Variants in DGLUCY observed in about 807,000 individuals in gnomAD.
DGLUCY encodes D-glutamate cyclase, mitochondrial.
DGLUCY carries 58 observed loss-of-function variants against 58.5 expected under a neutral mutation model. The ratio of observed to expected loss-of-function variants is 0.99; its 90% CI spans 0.80 to 1.23. The LOEUF is 1.23. Among genes scored for constraint, DGLUCY ranks in the 50% most tolerant of loss-of-function variants. The pLI is 0.00. For missense variants in DGLUCY, 779 were observed against 784.7 expected (o/e 0.99, Z 0.09); for synonymous variants, 325 against 314.1 (o/e 1.03, Z -0.37).
chr14:91,166,454 C>T (rs1275369451), intron 3 of DGLUCY, among the ~76,000 whole-genome samples: 1 of 152,098 alleles, frequency 6.6e-6, no homozygotes, highest in Non-Finnish European at 1.5e-5. Flanking sequence ...CACTTGAGCC[C>T]AGGTGTTTGA....
intron 8 of DGLUCY, among the ~76,000 whole-genome samples, chr14:91,181,838 GA>G (rs1485581720): frequency 6.7e-6 from 1 of 149,534 alleles, no homozygotes; most frequent in African/African-American, 2.4e-5. Flanking sequence ...GCAGAGACAG[GA>G]TTTCACCATG....
intron 10 of DGLUCY, among the ~76,000 whole-genome samples, 155 bp from the exon 11 acceptor site, chr14:91,199,602 C>T (rs1448836991): frequency 1.3e-5 from 2 of 152,090 alleles, no homozygotes; most frequent in Non-Finnish European, 2.9e-5. Flanking sequence ...CAGCACAGGT[C>T]CTGGCCCAGA....
chr14:91,209,954 G>T (rs1885407906), intron 12 of DGLUCY, among the ~76,000 whole-genome samples: 1 of 152,086 alleles, frequency 6.6e-6, no homozygotes. Flanking sequence ...TAAAGAGGGG[G>T]ATTACATAAT....
At chr14:91,114,463 G>C (rs909109210) in intron 1 of DGLUCY, 180 bp downstream of exon 1, 1 of 152,370 alleles carries the variant, frequency 6.6e-6, no homozygotes, top group Non-Finnish European at 1.5e-5. Context: ...AGGCCCAGCT[G>C]TTCCTCTCCT....
At chr14:91,157,215 GTGGA>G (rs1285466055) in intron 1 of DGLUCY, among the ~76,000 whole-genome samples, 3 of 106,382 alleles carry the variant, frequency 2.8e-5, no homozygotes, top group East Asian at 2.5e-4. Context: ...GAATGAATGG[GTGGA>G]TGGATGGATG....
chr14:91,060,380 C>A, exon 1 of DGLUCY: 1 of 1,508,192 alleles, frequency 6.6e-7, no homozygotes, highest in Non-Finnish European at 8.9e-7. Context: ...CCTCCGTCGC[C>A]GCCGTCCGCG....
intron 5 of DGLUCY, 99 bp downstream of exon 5, chr14:91,170,300 G>T (rs1244329155): frequency 2.3e-6 from 3 of 1,305,046 alleles, no homozygotes; most frequent in African/African-American, 1.5e-5. Flanking sequence ...ACGGGAGGTG[G>T]AAAACCTAAG....
At chr14:91,216,727 C>A (rs1886579386) in intron 13 of DGLUCY, among the ~76,000 whole-genome samples, 1 of 152,038 alleles carries the variant, frequency 6.6e-6, no homozygotes, top group Non-Finnish European at 1.5e-5. Flanking sequence ...TCCCTGAGGA[C>A]TCTCCCTGAG....
chr14:91,211,966 A>G (rs1347670271), intron 12 of DGLUCY, among the ~76,000 whole-genome samples: 1 of 151,928 alleles, frequency 6.6e-6, no homozygotes. Flanking sequence ...ATGCCTGGCT[A>G]ATTTTTGTAT....
intron 8 of DGLUCY, among the ~76,000 whole-genome samples, chr14:91,186,431 G>C (rs574352395): frequency 1.3e-5 from 2 of 152,104 alleles, no homozygotes; most frequent in South Asian, 4.2e-4. Flanking sequence ...ATTTTTATTA[G>C]AGACGGGGTT....
intron 1 of DGLUCY, among the ~76,000 whole-genome samples, chr14:91,143,256 C>T (rs566779735): frequency 1.3e-5 from 2 of 151,642 alleles, no homozygotes; most frequent in African/African-American, 4.8e-5. Context: ...CCACCACGCC[C>T]GGCTAATTTT....
chr14:91,182,875 A>AG (rs1323936654), intron 8 of DGLUCY, among the ~76,000 whole-genome samples: 5 of 148,574 alleles, frequency 3.4e-5, no homozygotes, highest in African/African-American at 1.3e-4. Flanking sequence ...GGGATCCCCT[A>AG]GGGGACCTGC....
exon 1 of DGLUCY, chr14:91,060,334 G>C (rs766260545): frequency 2.9e-6 from 4 of 1,392,144 alleles, no homozygotes; most frequent in South Asian, 3.4e-5. Flanking sequence ...TCGCTCACCA[G>C]TCCGCAGCTC....
intron 8 of DGLUCY, chr14:91,185,321 C>T (rs2049446961): frequency 8.9e-6 from 1 of 112,714 alleles, no homozygotes; most frequent in South Asian, 2.9e-4. Flanking sequence ...CTTGTTCTGT[C>T]CTCCAGGCTG....
chr14:91,201,009 A>G (rs2050519477), intron 11 of DGLUCY, among the ~76,000 whole-genome samples: 2 of 152,032 alleles, frequency 1.3e-5, no homozygotes, highest in Admixed American at 6.6e-5. Context: ...AGGATATTAC[A>G]AAGTACCTTC....
intron 1 of DGLUCY, among the ~76,000 whole-genome samples, chr14:91,072,506 TG>T (rs917442755): frequency 6.6e-6 from 1 of 152,150 alleles, no homozygotes; most frequent in African/African-American, 2.4e-5. Flanking sequence ...TTCTGTTTTC[TG>T]TAAAATTAAA....
intron 1 of DGLUCY, among the ~76,000 whole-genome samples, chr14:91,099,110 T>G (rs947125880): frequency 6.6e-6 from 1 of 152,196 alleles, no homozygotes; most frequent in South Asian, 2.1e-4. Flanking sequence ...GGCTGCTTGA[T>G]GCAGGAGGTA....
chr14:91,224,452 A>C (rs7148268), intron 13 of DGLUCY, among the ~76,000 whole-genome samples: 95,317 of 152,032 alleles, frequency 0.63, 30,538 homozygotes, highest in Admixed American at 0.76. Context: ...AGCAGCCCAA[A>C]CTATTCCCGT....
intron 13 of DGLUCY, among the ~76,000 whole-genome samples, chr14:91,222,856 A>G (rs1043875547): frequency 6.6e-6 from 1 of 152,228 alleles, no homozygotes; most frequent in Non-Finnish European, 1.5e-5. Context: ...TGGGAAGTCC[A>G]ACATCAAGGT....
Sources: allele counts gnomAD v4.1 joint callset (sites outside exome capture counted in the v4.1 genomes callset), GRCh38; gene constraint gnomAD v4.1.1; transcripts MANE v1.5; gene names NCBI Gene and HGNC (gene_info 2026-07-23, HGNC 2026-07-21).